The following CRMP1 variants were observed in gnomAD, a reference collection of about 807,000 sequenced individuals.
CRMP1 encodes collapsin response mediator protein 1, also known as dihydropyrimidinase-related protein 1.
Under a neutral mutation model 68.3 loss-of-function variants are expected in CRMP1, and 19 were observed. That is an observed-to-expected ratio of 0.28 (90% CI 0.19 to 0.41). The LOEUF (loss-of-function observed/expected upper bound fraction) is 0.41, where lower values mean the gene tolerates loss of function less well. Ranked by LOEUF, CRMP1 falls within the 10% of genes least tolerant of loss-of-function variation. CRMP1 has a pLI of 1.00. For synonymous variants in CRMP1, 439 were observed against 399.6 expected, an observed-to-expected ratio of 1.10 and a Z score of -1.18; for missense variants, 791 against 967.4, an observed-to-expected ratio of 0.82 and a Z score of 2.42.
rs1719461189 is a variant in CRMP1, at chr4:5,825,739, GGC to G, written c.1804-82_1804-81del. ...TGGGCAGATAAAGCAGAGCCCTGCG[GGC>G]GAGAGAGAAACCTGAGGTCACTTCA... is the stretch of plus-strand genomic sequence containing the variant. On this transcript the variant is annotated intron_variant, in intron 12 of 13. Coordinates refer to ENST00000324989, the MANE Select transcript of CRMP1 (RefSeq NM_001014809.3). This position sits in a 1 kb window ranked among gnomAD's most constrained non-coding sequence, Gnocchi z 4.4. 6.8e-7 allele frequency: 1 copy of G among 1,478,760 alleles called. No homozygotes were observed. Among genetic ancestry groups the G allele is most frequent in the African/African-American group, 1.4e-5 (1 of 70,272 alleles). The allele number at this position is 1,478,760 out of a possible 1,614,324, so 91.6% of individuals were successfully genotyped here. A position where few individuals can be genotyped will look rare whatever the true frequency, so the allele number is the denominator to read the frequency against.
intron 12 of CRMP1, among the ~76,000 whole-genome samples, chr4:5,827,643 C>T (rs116606680): frequency 0.011 from 1,600 of 152,140 alleles, 12 homozygotes; most frequent in Non-Finnish European, 0.016. Context: ...CTCCAACACA[C>T]GCACACACAT....
rs534968065 is a variant in CRMP1 at position 5,891,855 on chromosome 4, T to C, written c.381+734A>G. The stretch of plus-strand genomic sequence containing the variant: ...CCTCTCCCTGATCCTCCCGGCCCCA[T>C]GCTCAGGTCCGGGAGGCCAGAGACC... On this transcript the variant is annotated intron_variant, in intron 1 of 13. Coordinates refer to ENST00000324989, the MANE Select transcript of CRMP1 (RefSeq NM_001014809.3). This position sits in a 1 kb window ranked among gnomAD's most constrained non-coding sequence, Gnocchi z 5.2. Among the ~76,000 whole-genome samples the C allele has an allele frequency of 6.6e-6, 1 of 152,248 alleles. No individual in the cohort carries two copies. The highest frequency in any genetic ancestry group is 2.1e-4 in the South Asian group (1 of 4,826).
chr4:5,866,368 C>T lies in CRMP1; in HGVS notation c.470+300G>A, dbSNP rs554063884. On this transcript the variant is annotated intron_variant, in intron 2 of 13. Transcript: ENST00000324989. This position sits in a 1 kb window ranked among gnomAD's most constrained non-coding sequence, Gnocchi z 5.9. ...CAGGTACCCAGACTCATTGGCCTGC[C>T]GCCTCCAAAACCACAAAACAGGAAA... Among the ~76,000 whole-genome samples the T allele has an allele frequency of 3.3e-5, 5 of 152,194 alleles. No homozygotes were observed. The highest frequency in any genetic ancestry group is 7.3e-5 in the Non-Finnish European group (5 of 68,034).
rs868731837 is a variant in CRMP1, at chr4:5,879,506, C to T, written c.382-12750G>A. Among the ~76,000 whole-genome samples the T allele has an allele frequency of 2.9e-4, 44 of 152,290 alleles. 1 individual carries two copies. Among genetic ancestry groups the T allele is most frequent in the African/African-American group, 1.0e-3 (43 of 41,548 alleles). On this transcript the variant is annotated intron_variant, in intron 1 of 13. Transcript: ENST00000324989. The surrounding 1 kb of genome is among the most constrained non-coding windows in gnomAD (Gnocchi z 4.2). ...AGCTTATTCCCACATAGCTTCTTAG[C>T]GGGGTGATCTTTGGCAAGATACTTA...
Position 5,842,952 on chromosome 4 carries a change from G to A in CRMP1, c.1032+141C>T, listed in dbSNP as rs1577773686. On this transcript the variant is annotated intron_variant, in intron 7 of 13. Coordinates refer to ENST00000324989, the MANE Select transcript of CRMP1 (RefSeq NM_001014809.3). This position sits in a 1 kb window ranked among gnomAD's most constrained non-coding sequence, Gnocchi z 4.5. ...GCCAGCAGTCCCCAGGGTTCCCGGGGAAAACAAGATGGTTTGGGATGGTCT... is the reference window on the plus strand; with the variant it reads ...GCCAGCAGTCCCCAGGGTTCCCGGGAAAAACAAGATGGTTTGGGATGGTCT... The A allele has an allele frequency of 1.3e-6, 1 of 784,578 alleles. No homozygotes were observed. Among genetic ancestry groups the A allele is most frequent in the East Asian group, 2.5e-5 (1 of 39,954 alleles). 48.6% of individuals were successfully genotyped at this position (784,578 alleles called of 1,614,324 possible). A position where few individuals can be genotyped will look rare whatever the true frequency, so the allele number is the denominator to read the frequency against.
At chr4:5,839,045 G>C (rs953093316) in intron 9 of CRMP1, among the ~76,000 whole-genome samples, 1 of 152,246 alleles carries the variant, frequency 6.6e-6, no homozygotes, top group Non-Finnish European at 1.5e-5. Context: ...ACCACAGCAA[G>C]TGTGCTGCAG....
At chr4:5,851,717 G>GGAGGAGAAGGAGAAA (rs1255199342) in intron 4 of CRMP1, among the ~76,000 whole-genome samples, 1 of 151,368 alleles carries the variant, frequency 6.6e-6, no homozygotes, top group Non-Finnish European at 1.5e-5. Flanking sequence ...AGGAGGAAGG[G>GGAGGAGAAGGAGAAA]GAGGAGAAGG....
intron 6 of CRMP1, among the ~76,000 whole-genome samples, chr4:5,848,472 C>T (rs1170690056): frequency 2.0e-5 from 3 of 152,220 alleles, no homozygotes; most frequent in African/African-American, 2.4e-5. Flanking sequence ...GTATTACAGG[C>T]GTGAGCCACA....
chr4:5,880,212 G>A (rs1715138809), intron 1 of CRMP1, among the ~76,000 whole-genome samples: 1 of 152,168 alleles, frequency 6.6e-6, no homozygotes, highest in South Asian at 2.1e-4. Context: ...TGCACTGAGG[G>A]GAGAATGGTG....
rs550076900 is a variant in CRMP1 at position 5,831,926 on chromosome 4, G to A, written c.1624-3258C>T. ...TGGTTTCTTTTATACCCTTTAAAGAGCAGCCACTCAAGCTCATGTGTGCAT... is the reference window on the plus strand; with the variant it reads ...TGGTTTCTTTTATACCCTTTAAAGAACAGCCACTCAAGCTCATGTGTGCAT... On this transcript the variant is annotated intron_variant, in intron 11 of 13. Transcript: ENST00000324989. Among the ~76,000 whole-genome samples the A allele has an allele frequency of 2.9e-3, 444 of 152,276 alleles. 3 individuals carry two copies. Among genetic ancestry groups the A allele is most frequent in the African/African-American group, 0.01 (421 of 41,540 alleles).
intron 6 of CRMP1, among the ~76,000 whole-genome samples, chr4:5,847,617 C>G (rs2152461854): frequency 6.6e-6 from 1 of 152,292 alleles, no homozygotes; most frequent in African/African-American, 2.4e-5. Flanking sequence ...AGGAAAACTA[C>G]AAGGACTCAG....
chr4:5,864,158 C>T (rs945643675), intron 2 of CRMP1, among the ~76,000 whole-genome samples: 1 of 152,192 alleles, frequency 6.6e-6, no homozygotes, highest in Admixed American at 6.5e-5. Flanking sequence ...GCCACTTGCT[C>T]CTTCTGTATA....
rs115190764 is a variant in CRMP1 at position 5,859,738 on chromosome 4, C to T, written c.655+1288G>A. Among the ~76,000 whole-genome samples the T allele has an allele frequency of 9.7e-3, 1,478 of 152,236 alleles. 13 individuals carry two copies. The highest frequency in any genetic ancestry group is 0.034 in the Middle Eastern group (10 of 294). On this transcript the variant is annotated intron_variant, in intron 3 of 13. Transcript: ENST00000324989. The surrounding 1 kb of genome is among the most constrained non-coding windows in gnomAD (Gnocchi z 5.2). ...CTGCCCTTTGGAAGAGGGATCAGGA[C>T]AGTGCTTGCCTCAAAAGTCGAGCCC...
intron 1 of CRMP1, among the ~76,000 whole-genome samples, chr4:5,880,421 G>A (rs76441575): frequency 2.0e-5 from 3 of 152,258 alleles, no homozygotes; most frequent in East Asian, 3.9e-4. Flanking sequence ...TAATTTGGGG[G>A]CAGGTTCAAA....
At chr4:5,830,743 C>A (rs1720312307) in intron 11 of CRMP1, among the ~76,000 whole-genome samples, 1 of 152,126 alleles carries the variant, frequency 6.6e-6, no homozygotes, top group Admixed American at 6.6e-5. Context: ...ATGACTGATA[C>A]CCCCGGGCCC....
intron 1 of CRMP1, among the ~76,000 whole-genome samples, chr4:5,884,768 A>G (rs927484983): frequency 3.9e-5 from 6 of 152,064 alleles, no homozygotes; most frequent in African/African-American, 1.4e-4. Flanking sequence ...TTCATTTTTA[A>G]TAATACCCCG....
rs1268390324 is a variant in CRMP1, at chr4:5,838,229, C to T, written c.1310+1293G>A. 6.6e-6 allele frequency among the ~76,000 whole-genome samples: 1 copy of T among 152,068 alleles called. No individual in the cohort carries two copies. Among genetic ancestry groups the T allele is most frequent in the Non-Finnish European group, 1.5e-5 (1 of 67,990 alleles). Reference sequence around the variant, plus strand: ...CCGAGGCAGGGTCCTGCCTGGGGTTCAGGGTCAGCATGAAGCTGGGACTGG... The same window carrying T: ...CCGAGGCAGGGTCCTGCCTGGGGTTTAGGGTCAGCATGAAGCTGGGACTGG... On this transcript the variant is annotated intron_variant, in intron 9 of 13. Transcript: ENST00000324989. The surrounding 1 kb of genome is among the most constrained non-coding windows in gnomAD (Gnocchi z 4.9).
chr4:5,882,038 G>C (rs10937687), intron 1 of CRMP1, among the ~76,000 whole-genome samples: 86,313 of 151,878 alleles, frequency 0.57, 24,737 homozygotes, highest in East Asian at 0.74. Flanking sequence ...AAACCCAATC[G>C]CTGTGCTTCC....
At position 5,869,557 on chromosome 4, in the gene CRMP1, G is replaced by A. The variant is rs1714287123; in HGVS notation, c.382-2801C>T. ...AAATTAGCCAGGTGTGGTGGCAGAC[G>A]CCTGTAGTCCCAGCTACTCAGGAGG... On this transcript the variant is annotated intron_variant, in intron 1 of 13. Coordinates refer to ENST00000324989, the MANE Select transcript of CRMP1 (RefSeq NM_001014809.3). 3.3e-5 allele frequency among the ~76,000 whole-genome samples: 5 copies of A among 151,770 alleles called. No individual in the cohort carries two copies. The South Asian group carries it at 8.3e-4, about 25-fold the overall frequency.
Sources: allele counts gnomAD v4.1 joint callset (sites outside exome capture counted in the v4.1 genomes callset), GRCh38; gene constraint gnomAD v4.1.1; non-coding constraint Gnocchi (gnomAD v3.1); transcripts MANE v1.5; gene names NCBI Gene and HGNC (gene_info 2026-07-23, HGNC 2026-07-21).